SMC5: variants seen among roughly 807,000 people sequenced by gnomAD.
SMC5 encodes structural maintenance of chromosomes protein 5.
Under a neutral mutation model 148.3 loss-of-function variants are expected in SMC5, and 88 were observed. That is an observed-to-expected ratio of 0.59 (90% CI 0.50 to 0.71). The LOEUF (loss-of-function observed/expected upper bound fraction) is 0.71. Among genes scored for constraint, SMC5 ranks in the 30% least tolerant of loss-of-function variants. The pLI, the probability that SMC5 is intolerant of heterozygous loss-of-function variation, is 0.00. For missense variants in SMC5, 1,142 were observed against 1,298.9 expected, an observed-to-expected ratio of 0.88 and a Z score of 1.86; for synonymous variants, 421 against 432.8, an observed-to-expected ratio of 0.97 and a Z score of 0.34.
intron 17 of SMC5, among the ~76,000 whole-genome samples, chr9:70,342,789 A>G (rs2036561149): frequency 6.6e-6 from 1 of 152,156 alleles, no homozygotes; most frequent in African/African-American, 2.4e-5. Context: ...CCATTTTACC[A>G]ACTCTGATCT....
intron 3 of SMC5, among the ~76,000 whole-genome samples, chr9:70,269,513 A>G (rs1462448361): frequency 6.6e-6 from 1 of 152,140 alleles, no homozygotes; most frequent in East Asian, 1.9e-4. Context: ...CTGGGGAGGT[A>G]GAGGATGTAG....
chr9:70,302,502 A>AAT (rs112307767), intron 10 of SMC5, among the ~76,000 whole-genome samples: 7,137 of 149,442 alleles, frequency 0.048, 288 homozygotes, highest in East Asian at 0.2. Flanking sequence ...AAGAAAAAAA[A>AAT]ATATATATAT....
chr9:70,336,565 G>A (rs1029510188), intron 17 of SMC5, among the ~76,000 whole-genome samples: 10 of 152,210 alleles, frequency 6.6e-5, no homozygotes, highest in African/African-American at 2.4e-4. Context: ...CCAAATGGGA[G>A]TGAAGAAACT....
intron 20 of SMC5, 57 bp from the exon 21 acceptor site, chr9:70,347,556 A>G (rs2036695733): frequency 3.3e-6 from 3 of 910,936 alleles, no homozygotes; most frequent in South Asian, 3.3e-5. Flanking sequence ...GCAAAATTGT[A>G]TATAGTTTTA....
chr9:70,306,337 G>A (rs1052745647), intron 11 of SMC5, among the ~76,000 whole-genome samples: 2 of 152,092 alleles, frequency 1.3e-5, no homozygotes, highest in African/African-American at 4.8e-5. Context: ...ACAAGTGCTT[G>A]GAAAGAATCT....
In SMC5 at chr9:70,324,027, A is replaced by G; in HGVS notation, c.2281A>G (p.Thr761Ala). The G allele has an allele frequency of 6.4e-7, 1 of 1,556,626 alleles. No homozygotes were observed. The highest frequency in any genetic ancestry group is 8.6e-7 in the Non-Finnish European group (1 of 1,159,932). The change falls in exon 17 of 25, where the codon ACT (threonine) becomes GCT (alanine). Residue 761 changes from threonine to alanine, a missense_variant. Transcript: ENST00000361138. The stretch of plus-strand genomic sequence containing the variant: ...TAGGGGTTTTTGTTCCTAGATTTGT[A>G]CTTCTTTGCATATACAAAAAGTAGA... ...TELTNLIKIC[T>A]SLHIQKVDLI...
Position 70,323,528 on chromosome 9 carries a change from G to A in SMC5, c.2196G>A (p.Glu732=), listed in dbSNP as rs770268916. 1 of 1,612,210 alleles carries A rather than the reference G, an allele frequency of 6.2e-7. No individual in the cohort carries two copies. The highest frequency in any genetic ancestry group is 8.5e-7 in the Non-Finnish European group (1 of 1,179,566). ...ATACTTGCAATCTTGAAGAGGAAGAGCGAAAAGCAAGTACCAAAATCAAAG... is the reference window on the plus strand; with the variant it reads ...ATACTTGCAATCTTGAAGAGGAAGAACGAAAAGCAAGTACCAAAATCAAAG... The part of the protein sequence containing the change: ...EQDTCNLEEE[E]RKASTKIKEI... Residue 732 remains glutamate, a synonymous_variant, in exon 16 of 25, where the codon GAG becomes GAA. Coordinates refer to ENST00000361138, the MANE Select transcript of SMC5 (RefSeq NM_015110.4).
chr9:70,259,137 T>G lies in SMC5; in HGVS notation c.59T>G (p.Leu20Arg), dbSNP rs1178635323. Residue 20 changes from leucine to arginine, a missense_variant, in exon 1 of 25, where the codon CTC becomes CGC. Physicochemically the swap from Leu to Arg is moderately radical, Grantham distance 102. Around this residue, in one of 5 missense-constraint regions of SMC5, gnomAD observed 297 missense variants for 302.6 expected, o/e 0.98. Coordinates refer to ENST00000361138, the MANE Select transcript of SMC5 (RefSeq NM_015110.4). ...TPSPQPSKRA[L>R]PRDPSSEVPS... ...AGCCCCCAGCCTTCCAAGAGAGCTC[T>G]CCCGAGAGACCCTTCGTCGGAGGTC... The G allele has an allele frequency of 6.2e-7, 1 of 1,612,640 alleles. No individual in the cohort carries two copies. Among genetic ancestry groups the G allele is most frequent in the East Asian group, 2.2e-5 (1 of 44,844 alleles).
intron 9 of SMC5, among the ~76,000 whole-genome samples, 184 bp downstream of exon 9, chr9:70,298,405 A>G (rs919792400): frequency 7.2e-5 from 11 of 152,150 alleles, no homozygotes; most frequent in Non-Finnish European, 1.6e-4. Context: ...GTAATTTGCC[A>G]TTATAGCTGA....
At chr9:70,281,578 A>G (rs2034751308) in intron 6 of SMC5, among the ~76,000 whole-genome samples, 1 of 152,208 alleles carries the variant, frequency 6.6e-6, no homozygotes, top group Non-Finnish European at 1.5e-5. Flanking sequence ...GCATTACTTT[A>G]TAATTGGTAG....
rs970795657 is a variant in SMC5 at position 70,352,551 on chromosome 9, T to G, written c.*220T>G. On this transcript the variant is annotated 3_prime_UTR_variant, in exon 25 of 25. Coordinates refer to ENST00000361138, the MANE Select transcript of SMC5 (RefSeq NM_015110.4). ...TCTTCAGTCTTGGTTGAACTTGAGT[T>G]CTTGGCACTCTGACCATGAGTCATT... 4.4e-6 allele frequency: 2 copies of G among 456,270 alleles called. No individual in the cohort carries two copies. The highest frequency in any genetic ancestry group is 7.7e-6 in the Non-Finnish European group (2 of 259,174). 28.3% of individuals were successfully genotyped at this position (456,270 alleles called of 1,614,324 possible). A position where few individuals can be genotyped will look rare whatever the true frequency, so the allele number is the denominator to read the frequency against.
At chr9:70,291,009 A>G (rs1357076754) in intron 8 of SMC5, among the ~76,000 whole-genome samples, 1 of 152,192 alleles carries the variant, frequency 6.6e-6, no homozygotes, top group African/African-American at 2.4e-5. Context: ...TTGAAACTGA[A>G]CAGTTTAAGT....
At chr9:70,277,603 G>A (rs1433262797) in intron 4 of SMC5, 131 bp downstream of exon 4, 2 of 643,852 alleles carry the variant, frequency 3.1e-6, no homozygotes, top group Non-Finnish European at 4.6e-6. Flanking sequence ...TGTAAAGGTA[G>A]CATTTCATCA....
At chr9:70,339,423 C>G (rs796154401) in intron 17 of SMC5, among the ~76,000 whole-genome samples, 1 of 147,416 alleles carries the variant, frequency 6.8e-6, no homozygotes, top group Admixed American at 6.8e-5. Flanking sequence ...AGCGAGACTC[C>G]GTCTCAAAAA....
At chr9:70,300,298 C>A in intron 10 of SMC5, 98 bp downstream of exon 10, 1 of 1,109,384 alleles carries the variant, frequency 9.0e-7, no homozygotes, top group South Asian at 1.6e-5. Context: ...CCTGGTTTTA[C>A]ATTATCAGAC....
intron 1 of SMC5, among the ~76,000 whole-genome samples, chr9:70,261,440 A>G (rs921901644): frequency 1.3e-5 from 2 of 152,192 alleles, no homozygotes; most frequent in African/African-American, 4.8e-5. Context: ...AAAGGGAGGA[A>G]TGCAGCATTT....
intron 10 of SMC5, 22 bp downstream of exon 10, chr9:70,300,222 G>T: frequency 1.3e-6 from 2 of 1,563,686 alleles, no homozygotes; most frequent in Admixed American, 2.2e-5. Flanking sequence ...TGTTCATCTT[G>T]GTAGTATTGG....
intron 1 of SMC5, among the ~76,000 whole-genome samples, chr9:70,261,236 C>T (rs2034120871): frequency 6.6e-6 from 1 of 152,320 alleles, no homozygotes; most frequent in East Asian, 1.9e-4. Flanking sequence ...CGACATCATC[C>T]TGTAGGCAGC....
chr9:70,341,957 C>T (rs7863043), intron 17 of SMC5, among the ~76,000 whole-genome samples: 22 of 149,612 alleles, frequency 1.5e-4, no homozygotes, highest in African/African-American at 4.7e-4. Context: ...TATTGCGGCA[C>T]TATTCACAAT....
Sources: allele counts gnomAD v4.1 joint callset (sites outside exome capture counted in the v4.1 genomes callset), GRCh38; gene constraint gnomAD v4.1.1; regional missense constraint gnomAD v4.1.1; transcripts MANE v1.5; gene names NCBI Gene and HGNC (gene_info 2026-07-23, HGNC 2026-07-21).